Variants in PRR5L observed in about 807,000 individuals in gnomAD.
PRR5L encodes proline rich 5 like.
In PRR5L, 21 loss-of-function variants were observed where a neutral mutation model predicts 36.4. The ratio of observed to expected loss-of-function variants is 0.58; its 90% confidence interval spans 0.41 to 0.83. PRR5L has a LOEUF of 0.83. Ranked by LOEUF, PRR5L falls within the 40% of genes least tolerant of loss-of-function variation. The pLI, the probability that PRR5L is intolerant of heterozygous loss-of-function variation, is 0.00. For synonymous variants in PRR5L, 188 were observed against 197.0 expected (o/e 0.95, Z 0.38); for missense variants, 381 against 473.3 (o/e 0.80, Z 1.81).
rs1476655337 is a variant in PRR5L, at chr11:36,311,532, G to T, written c.-126+15094G>T. Among the ~76,000 whole-genome samples, 4 of 152,124 alleles carry T rather than the reference G, an allele frequency of 2.6e-5. No individual in the cohort carries two copies. In the South Asian group the frequency reaches 6.2e-4, roughly 24 times the overall value. Reference sequence around the variant, plus strand: ...AAGTTATAATAAAAAAATTGGAGAGGTTTACTACTTTTATGAAAACTATAA... The same window carrying T: ...AAGTTATAATAAAAAAATTGGAGAGTTTTACTACTTTTATGAAAACTATAA... On this transcript the variant is annotated intron_variant, in intron 1 of 8. Transcript: ENST00000530639.
chr11:36,416,001 A>G (rs1000698232), intron 3 of PRR5L, among the ~76,000 whole-genome samples: 4 of 152,226 alleles, frequency 2.6e-5, no homozygotes, highest in African/African-American at 4.8e-5. Flanking sequence ...ACTGTTCTGT[A>G]TCTTGCATTG....
intron 1 of PRR5L, among the ~76,000 whole-genome samples, chr11:36,351,063 TATAA>T (rs1343215012): frequency 8.4e-6 from 1 of 119,132 alleles, no homozygotes; most frequent in African/African-American, 3.3e-5. Context: ...GTATTTTATA[TATAA>T]ATATATATTT....
In PRR5L at chr11:36,439,673, A is replaced by G. The variant is rs143697330; in HGVS notation, c.444+2197A>G. Among the ~76,000 whole-genome samples, 507 of 152,276 alleles carry G rather than the reference A, an allele frequency of 3.3e-3. 3 individuals are homozygous for G. Among genetic ancestry groups the G allele is most frequent in the Non-Finnish European group, 4.7e-3 (317 of 68,018 alleles). ...GGAATATTCCGGGGAGGTGGCGAAG[A>G]TCTGCAGCAAATGGTCATCAGAGGT... is the stretch of plus-strand genomic sequence containing the variant. On this transcript the variant is annotated intron_variant, in intron 6 of 8. Transcript: ENST00000530639.
intron 8 of PRR5L, among the ~76,000 whole-genome samples, chr11:36,460,636 T>C (rs1421265959): frequency 6.6e-6 from 1 of 152,270 alleles, no homozygotes; most frequent in Admixed American, 6.5e-5. Flanking sequence ...TGGAATATAA[T>C]ACCTGAGCCT....
chr11:36,406,641 G>C (rs1857917985), intron 3 of PRR5L, among the ~76,000 whole-genome samples: 1 of 152,194 alleles, frequency 6.6e-6, no homozygotes, highest in Non-Finnish European at 1.5e-5. Flanking sequence ...TAGACACTTG[G>C]GTTTTGATTT....
chr11:36,406,907 C>A (rs1857923536), intron 3 of PRR5L, among the ~76,000 whole-genome samples: 2 of 152,176 alleles, frequency 1.3e-5, no homozygotes, highest in Non-Finnish European at 2.9e-5. Flanking sequence ...CAAGACTGGG[C>A]TAGCTGTGTG....
At position 36,366,773 on chromosome 11, in the gene PRR5L, G is replaced by A. The variant is rs890028517; in HGVS notation, c.-125-34224G>A. Among the ~76,000 whole-genome samples the A allele has an allele frequency of 5.9e-5, 9 of 152,292 alleles. 1 individual carries two copies. The highest frequency in any genetic ancestry group is 2.2e-4 in the African/African-American group (9 of 41,552). ...TTGTACAGTAGGCTTTGACTCTGAG[G>A]AAAGGGGCTGAGATTGCCTTGAGGA... is the stretch of plus-strand genomic sequence containing the variant. On this transcript the variant is annotated intron_variant, in intron 1 of 8. Transcript: ENST00000530639.
chr11:36,310,572 T>C (rs559293903), intron 1 of PRR5L, among the ~76,000 whole-genome samples: 2 of 152,306 alleles, frequency 1.3e-5, no homozygotes, highest in South Asian at 4.1e-4. Context: ...AAATTACCCA[T>C]GTGGGTGACT....
chr11:36,450,968 T>C (rs1858932159), intron 7 of PRR5L, among the ~76,000 whole-genome samples: 1 of 152,234 alleles, frequency 6.6e-6, no homozygotes, highest in Non-Finnish European at 1.5e-5. Flanking sequence ...CCACACTGCA[T>C]TGGTGGCCCA....
Position 36,374,110 on chromosome 11 carries a change from CT to C in PRR5L, c.-125-26886del, listed in dbSNP as rs1315706081. Reference sequence around the variant, plus strand: ...CCTTCCTTCCTTCCTTCCTTCCTCTCTCTCTCTCTCTCTTTCTTTCTTTGTC... The same window carrying C: ...CCTTCCTTCCTTCCTTCCTTCCTCTCCTCTCTCTCTCTTTCTTTCTTTGTC... On this transcript the variant is annotated intron_variant, in intron 1 of 8. Coordinates refer to ENST00000530639, the MANE Select transcript of PRR5L (RefSeq NM_001160167.2). Among the ~76,000 whole-genome samples the C allele has an allele frequency of 1.4e-4, 12 of 85,586 alleles. No homozygotes were observed. The East Asian group carries it at 5.1e-3, about 36-fold the overall frequency. 56.1% of individuals were successfully genotyped at this position (85,586 alleles called of 152,430 possible).
At chr11:36,451,825 A>G (rs1858951270) in intron 8 of PRR5L, among the ~76,000 whole-genome samples, 1 of 152,180 alleles carries the variant, frequency 6.6e-6, no homozygotes, top group South Asian at 2.1e-4. Context: ...GTACCACCAC[A>G]TGGCAAGGAA....
At chr11:36,374,318 C>T (rs976759265) in intron 1 of PRR5L, among the ~76,000 whole-genome samples, 8 of 152,020 alleles carry the variant, frequency 5.3e-5, no homozygotes, top group African/African-American at 1.5e-4. Flanking sequence ...TGGTCTTGAA[C>T]TCCTGACCTC....
intron 1 of PRR5L, among the ~76,000 whole-genome samples, chr11:36,315,614 A>G (rs186303545): frequency 6.6e-6 from 1 of 152,342 alleles, no homozygotes; most frequent in African/African-American, 2.4e-5. Flanking sequence ...AATCTGAAGT[A>G]TAAGAGAATA....
chr11:36,339,675 C>CCAGGATTT (rs1163767825), intron 1 of PRR5L, among the ~76,000 whole-genome samples: 1 of 152,118 alleles, frequency 6.6e-6, no homozygotes, highest in Non-Finnish European at 1.5e-5. Context: ...AGGGGTGGAG[C>CCAGGATTT]CAGGATTTAA....
chr11:36,409,062 G>A (rs1053146524), intron 3 of PRR5L, among the ~76,000 whole-genome samples: 1 of 152,166 alleles, frequency 6.6e-6, no homozygotes, highest in Non-Finnish European at 1.5e-5. Flanking sequence ...CTCAGGCAAC[G>A]CTTTTAGAGG....
intron 6 of PRR5L, among the ~76,000 whole-genome samples, chr11:36,442,176 A>G (rs1005329309): frequency 1.3e-5 from 2 of 152,130 alleles, no homozygotes; most frequent in African/African-American, 4.8e-5. Flanking sequence ...TCTCCTGCAA[A>G]TGCCTTTTCC....
At chr11:36,434,269 A>G (rs1294289635) in intron 5 of PRR5L, among the ~76,000 whole-genome samples, 1 of 152,138 alleles carries the variant, frequency 6.6e-6, no homozygotes, top group Non-Finnish European at 1.5e-5. Context: ...CATGTGGGGA[A>G]CCTTTAAGGG....
intron 1 of PRR5L, among the ~76,000 whole-genome samples, chr11:36,358,709 A>C (rs1437752309): frequency 6.6e-6 from 1 of 152,222 alleles, no homozygotes; most frequent in African/African-American, 2.4e-5. Context: ...ACTGTCAGGA[A>C]AGAAATAGAA....
chr11:36,445,875 A>G (rs975308630), intron 6 of PRR5L, among the ~76,000 whole-genome samples: 1 of 152,196 alleles, frequency 6.6e-6, no homozygotes, highest in Non-Finnish European at 1.5e-5. Flanking sequence ...TTATACAACA[A>G]TCTAAGAGGT....
Sources: gnomAD v4.1 joint callset for allele counts (sites outside exome capture counted in the v4.1 genomes callset) on GRCh38, gnomAD v4.1.1 for gene constraint, MANE v1.5 for transcripts, NCBI Gene and HGNC (gene_info 2026-07-23, HGNC 2026-07-21) for gene names.